Variants in XAGE3 observed in about 807,000 individuals in gnomAD.
The protein encoded by XAGE3 is X antigen family member 3, also known as CT12.3.
XAGE3 carries 6 observed loss-of-function variants against 9.2 expected under a neutral mutation model. That is an observed-to-expected ratio of 0.65 (90% CI 0.36 to 1.29). The LOEUF is 1.29. XAGE3 is among the 50% of genes most tolerant of loss of function. XAGE3 has a pLI of 0.03. For synonymous variants in XAGE3, 26 were observed against 28.2 expected (o/e 0.92, Z 0.25); for missense variants, 70 against 82.8 (o/e 0.85, Z 0.60).
chrX:52,863,860 C>T lies in XAGE3; in HGVS notation c.313+915G>A, dbSNP rs782606671. 7.2e-5 allele frequency among the ~76,000 whole-genome samples: 8 copies of T among 111,451 alleles called. No homozygotes were observed. The East Asian group carries it at 2.3e-3, about 31-fold the overall frequency. On this transcript the variant is annotated intron_variant, in intron 4 of 4. Coordinates refer to ENST00000346279, the MANE Select transcript of XAGE3 (RefSeq NM_133179.3). ...TTATTAAGGACCTCTTTCCTTTTCC[C>T]TTAGATTTATTCTATTGCTCTTTAT...
intron 1 of XAGE3, 90 bp from the exon 2 acceptor site, chrX:52,867,231 T>C: frequency 1.2e-6 from 1 of 822,542 alleles, no homozygotes; most frequent in Non-Finnish European, 1.7e-6. Context: ...CTTGTCATTT[T>C]TTAAAAGTTT....
At chrX:52,864,139 A>G (rs1434872658) in intron 4 of XAGE3, among the ~76,000 whole-genome samples, 1 of 112,395 alleles carries the variant, frequency 8.9e-6, no homozygotes, top group Non-Finnish European at 1.9e-5. Context: ...ACAGTCATCA[A>G]TTTGGAAAAT....
In XAGE3 at chrX:52,866,549, G is replaced by C; in HGVS notation, c.82-11C>G. 8.3e-7 allele frequency: 1 copy of C among 1,198,436 alleles called. No homozygotes were observed. ...CTCATCACCGGGCTCCTGGAACCAGGGGTGTGTGTGTGTGTGTGTGTGTGT... is the reference window on the plus strand; with the variant it reads ...CTCATCACCGGGCTCCTGGAACCAGCGGTGTGTGTGTGTGTGTGTGTGTGT... On this transcript the variant is annotated splice_polypyrimidine_tract_variant and intron_variant, in intron 2 of 4. Transcript: ENST00000346279.
At chrX:52,864,694 A>G (rs1927842239) in intron 4 of XAGE3, 81 bp downstream of exon 4, 3 of 1,143,943 alleles carry the variant, frequency 2.6e-6, no homozygotes, top group Non-Finnish European at 3.6e-6. Context: ...CTCTGATTTT[A>G]AAGGGATAGT....
At chrX:52,867,208 G>T in intron 1 of XAGE3, 67 bp from the exon 2 acceptor site, 3 of 919,775 alleles carry the variant, frequency 3.3e-6, no homozygotes, top group Non-Finnish European at 4.6e-6. Flanking sequence ...CCACTTCCAT[G>T]ACCAAATATT....
At chrX:52,865,727 C>G (rs1447714254) in intron 3 of XAGE3, among the ~76,000 whole-genome samples, 1 of 112,043 alleles carries the variant, frequency 8.9e-6, no homozygotes, top group Non-Finnish European at 1.9e-5. Flanking sequence ...AAATACAAAG[C>G]AAAGGAAAGA....
At chrX:52,863,837 A>G (rs1927819633) in intron 4 of XAGE3, among the ~76,000 whole-genome samples, 1 of 111,490 alleles carries the variant, frequency 9.0e-6, no homozygotes, top group African/African-American at 3.3e-5. Context: ...TCTGTCTCTT[A>G]TTAAGGACCT....
intron 1 of XAGE3, chrX:52,867,399 T>C (rs1556784595): frequency 3.3e-6 from 1 of 298,897 alleles, no homozygotes; most frequent in African/African-American, 2.7e-5. Context: ...ACAACTGAAC[T>C]CTCCTCCGTG....
chrX:52,862,816 C>T (rs1188428607), intron 4 of XAGE3, among the ~76,000 whole-genome samples, 176 bp from the exon 5 acceptor site: 2 of 114,646 alleles, frequency 1.7e-5, no homozygotes, highest in African/African-American at 6.4e-5. Flanking sequence ...TGAAGATAGG[C>T]TTCCAAGTAT....
intron 4 of XAGE3, among the ~76,000 whole-genome samples, chrX:52,863,774 A>G (rs1556784062): frequency 8.9e-6 from 1 of 111,985 alleles, no homozygotes; most frequent in Admixed American, 9.5e-5. Context: ...CAAAAGAACA[A>G]TCTTTTAAAT....
At chrX:52,863,812 T>A (rs1181886644) in intron 4 of XAGE3, among the ~76,000 whole-genome samples, 2 of 111,924 alleles carry the variant, frequency 1.8e-5, no homozygotes, top group Middle Eastern at 4.6e-3. Flanking sequence ...CATTTCCTTT[T>A]ACTAATGACT....
rs1284713461 is a variant in XAGE3, at chrX:52,866,946, A to AT, written c.81+106dup. Reference sequence around the variant, plus strand: ...CTCAGCATGGGAGACCTTTATTGGTATATCTATACTGGTTCAACAACAATT... The same window carrying AT: ...CTCAGCATGGGAGACCTTTATTGGTATTATCTATACTGGTTCAACAACAATT... On this transcript the variant is annotated intron_variant, in intron 2 of 4. Transcript: ENST00000346279. 6.5e-6 allele frequency: 5 copies of AT among 765,885 alleles called. No homozygotes were observed. In the Admixed American group the frequency reaches 1.2e-4, roughly 19 times the overall value. The allele number at this position is 765,885 out of a possible 1,213,427, so 63.1% of individuals were successfully genotyped here.
At position 52,868,064 on chromosome X, in the gene XAGE3, C is replaced by G. The variant is rs1161850587; in HGVS notation, c.-67G>C. The G allele has an allele frequency of 9.0e-6, 1 of 111,499 alleles. No homozygotes were observed. The highest frequency in any genetic ancestry group is 1.9e-5 in the Non-Finnish European group (1 of 53,255). The allele number at this position is 111,499 out of a possible 1,213,427, so 9.2% of individuals were successfully genotyped here. On this transcript the variant is annotated 5_prime_UTR_variant, in exon 1 of 5. Coordinates refer to ENST00000346279, the MANE Select transcript of XAGE3 (RefSeq NM_133179.3). ...ACAGCAGGAACGCGACCCTCACACC[C>G]TCACAACTCCAGGGCATTCACCACG...
rs1927906920 is a variant in XAGE3 at position 52,867,039 on chromosome X, G to A, written c.81+14C>T. 2.5e-6 allele frequency: 3 copies of A among 1,205,901 alleles called. No individual in the cohort carries two copies. Among genetic ancestry groups the A allele is most frequent in the Non-Finnish European group, 3.4e-6 (3 of 889,957 alleles). ...TTTCTGCTAATAGAAAACATCAAAG[G>A]TTAAGGCACTCACCAGCATAGGCCC... is the stretch of plus-strand genomic sequence containing the variant. On this transcript the variant is annotated intron_variant, in intron 2 of 4. Coordinates refer to ENST00000346279, the MANE Select transcript of XAGE3 (RefSeq NM_133179.3).
intron 3 of XAGE3, 86 bp from the exon 4 acceptor site, chrX:52,864,986 G>A: frequency 2.7e-6 from 3 of 1,102,674 alleles, no homozygotes; most frequent in Admixed American, 2.6e-5. Context: ...TCAATGTTAT[G>A]AAATAAAAGG....
At chrX:52,862,739 G>A (rs1052070535) in intron 4 of XAGE3, 99 bp from the exon 5 acceptor site, 38 of 1,063,369 alleles carry the variant, frequency 3.6e-5, no homozygotes, top group Non-Finnish European at 4.5e-5. Flanking sequence ...GTTTTATACC[G>A]TGGATTAAAC....
At chrX:52,866,601 C>T in intron 2 of XAGE3, 63 bp from the exon 3 acceptor site, 1 of 915,820 alleles carries the variant, frequency 1.1e-6, no homozygotes, top group South Asian at 2.3e-5. Flanking sequence ...GTTATCGATA[C>T]ATTTCAATAA....
chrX:52,864,899 C>G lies in XAGE3; in HGVS notation c.189G>C (p.Val63=), dbSNP rs144940011. 1.3e-4 allele frequency: 151 copies of G among 1,207,766 alleles called. No individual in the cohort carries two copies. The African/African-American group carries it at 2.3e-3, about 19-fold the overall frequency. The change falls in exon 4 of 5, where the codon GTG becomes GTC. Residue 63 remains valine, a splice_region_variant and synonymous_variant. Transcript: ENST00000346279. ...EEDQGAAETQ[V]PDLEADLQEL... is the part of the protein sequence containing the mutation. ...CCTGGAGATCAGCTTCCAGGTCAGG[C>G]ACTAAAAAATACAAAGGTTGTCGAT...
intron 2 of XAGE3, 42 bp from the exon 3 acceptor site, chrX:52,866,580 T>C: frequency 3.7e-6 from 4 of 1,092,091 alleles, no homozygotes; most frequent in Middle Eastern, 2.6e-4. Context: ...TGTGTGCAGA[T>C]AAAAAGTTTT....
Sources: gnomAD v4.1 joint callset for allele counts (sites outside exome capture counted in the v4.1 genomes callset) on GRCh38, gnomAD v4.1.1 for gene constraint, MANE v1.5 for transcripts, NCBI Gene and HGNC (gene_info 2026-07-23, HGNC 2026-07-21) for gene names.